The following ZNF331 variants were observed in gnomAD, a reference collection of about 807,000 sequenced individuals.
The protein encoded by ZNF331 is zinc finger protein 331.
A neutral mutation model predicts 7.0 loss-of-function variants in ZNF331; 2 were observed. The observed-to-expected ratio is 0.29, with a 90% CI of 0.12 to 0.90. ZNF331 has a LOEUF of 0.90. ZNF331 is among the 40% of genes least tolerant of loss of function. The pLI is 0.58. For synonymous variants in ZNF331, 196 were observed against 205.4 expected (o/e 0.95, Z 0.39); for missense variants, 432 against 587.7 (o/e 0.74, Z 2.74).
intron 2 of ZNF331, among the ~76,000 whole-genome samples, chr19:53,546,943 G>A (rs1229851939): frequency 6.6e-6 from 1 of 152,064 alleles, no homozygotes; most frequent in Non-Finnish European, 1.5e-5. Context: ...TGGATCTAGG[G>A]CAGAGGTTGG....
chr19:53,574,793 T>C (rs1445035349), intron 5 of ZNF331, among the ~76,000 whole-genome samples: 1 of 152,226 alleles, frequency 6.6e-6, no homozygotes, highest in Non-Finnish European at 1.5e-5. Context: ...TCACTGCCCC[T>C]TCATTTATCA....
At chr19:53,546,223 C>G (rs1198968161) in intron 2 of ZNF331, among the ~76,000 whole-genome samples, 2 of 149,472 alleles carry the variant, frequency 1.3e-5, no homozygotes, top group Non-Finnish European at 3.0e-5. Flanking sequence ...ATGTCAATTG[C>G]TTTTGCACTG....
At chr19:53,538,070 C>T (rs889752330), upstream of ZNF331, 9 of 152,398 alleles carry the variant, frequency 5.9e-5, no homozygotes, top group Admixed American at 4.6e-4. Context: ...CTGCTGCTGT[C>T]TGCGCGCTGC....
rs2090569806 is a variant in ZNF331 at position 53,573,659 on chromosome 19, G to C, written c.136+1929G>C. 6.6e-6 allele frequency among the ~76,000 whole-genome samples: 1 copy of C among 151,876 alleles called. No homozygotes were observed. The highest frequency in any genetic ancestry group is 6.6e-5 in the Admixed American group (1 of 15,242). On this transcript the variant is annotated intron_variant, in intron 5 of 5. Coordinates refer to ENST00000449416, the MANE Select transcript of ZNF331 (RefSeq NM_001079906.2). The surrounding 1 kb of genome is among the most constrained non-coding windows in gnomAD (Gnocchi z 4.2). ...ATTGTTGTGTTTTTTCTTAGAGATGGGATTTCGCCATGTTGTCCAAGCTGA... is the reference window on the plus strand; with the variant it reads ...ATTGTTGTGTTTTTTCTTAGAGATGCGATTTCGCCATGTTGTCCAAGCTGA...
the ZNF331 span, among the ~76,000 whole-genome samples, chr19:53,509,268 T>G: frequency 6.6e-6 from 1 of 152,182 alleles, no homozygotes; most frequent in African/African-American, 2.4e-5. Context: ...TTCTTCCACG[T>G]AGAGATGAAT....
intron 2 of ZNF331, among the ~76,000 whole-genome samples, chr19:53,530,088 C>G (rs1335197384): frequency 2.6e-5 from 4 of 152,126 alleles, no homozygotes; most frequent in African/African-American, 9.7e-5. Flanking sequence ...GCTTTTACTC[C>G]ACTTTACTTG....
intron 3 of ZNF331, among the ~76,000 whole-genome samples, chr19:53,556,551 A>C (rs574543720): frequency 6.7e-6 from 1 of 148,758 alleles, no homozygotes; most frequent in African/African-American, 2.5e-5. Context: ...TCTTGATCTC[A>C]TGAGCTCAAG....
intron 2 of ZNF331, among the ~76,000 whole-genome samples, chr19:53,550,529 CTTTTTTTTTTTT>C (rs60619357): frequency 3.1e-5 from 2 of 64,550 alleles, no homozygotes; most frequent in East Asian, 6.0e-4. Context: ...TCTATTTTGT[CTTTTTTTTTTTT>C]TTTTTTTTTT....
chr19:53,564,031 CAAAAAAAAAAAAA>C (rs57538972), intron 3 of ZNF331, among the ~76,000 whole-genome samples: 2 of 75,602 alleles, frequency 2.6e-5, no homozygotes, highest in Non-Finnish European at 4.5e-5. Flanking sequence ...GACTTCATCT[CAAAAAAAAAAAAA>C]AAAAAAAAAA....
chr19:53,554,243 G>A (rs2089206786), intron 2 of ZNF331, among the ~76,000 whole-genome samples: 1 of 152,206 alleles, frequency 6.6e-6, no homozygotes, highest in Non-Finnish European at 1.5e-5. Flanking sequence ...TGGGAAGGGC[G>A]CGCACGCGTG....
At chr19:53,515,818 C>G (rs1433958496), upstream of ZNF331, among the ~76,000 whole-genome samples, 2 of 152,122 alleles carry the variant, frequency 1.3e-5, no homozygotes, top group African/African-American at 2.4e-5. Flanking sequence ...TTTCGAAGCT[C>G]CTTTTAAACC....
chr19:53,571,545 C>T lies in ZNF331; in HGVS notation c.10-59C>T. Reference sequence around the variant, plus strand: ...CTACCCAGAGGGTGGCCTCCTGTCTCCTTCATCTGGAAGCTGTTTCCTTTC... The same window carrying T: ...CTACCCAGAGGGTGGCCTCCTGTCTTCTTCATCTGGAAGCTGTTTCCTTTC... On this transcript the variant is annotated intron_variant, in intron 4 of 5. Transcript: ENST00000449416. This position sits in a 1 kb window ranked among gnomAD's most constrained non-coding sequence, Gnocchi z 4.7. 2 of 1,596,848 alleles carry T rather than the reference C, an allele frequency of 1.3e-6. No homozygotes were observed. Among genetic ancestry groups the T allele is most frequent in the Non-Finnish European group, 1.7e-6 (2 of 1,171,558 alleles).
At chr19:53,550,693 C>T (rs949250176) in intron 2 of ZNF331, among the ~76,000 whole-genome samples, 6 of 151,414 alleles carry the variant, frequency 4.0e-5, no homozygotes, top group Admixed American at 2.0e-4. Flanking sequence ...CCTGCCACCA[C>T]GCCAGGCTAA....
chr19:53,577,103 T>C lies in ZNF331; in HGVS notation c.543T>C (p.His181=). 2 of 1,614,182 alleles carry C rather than the reference T, an allele frequency of 1.2e-6. No individual in the cohort carries two copies. The highest frequency in any genetic ancestry group is 1.7e-5 in the Admixed American group (1 of 60,024). The change falls in exon 6 of 6, where the codon CAT becomes CAC. Residue 181 remains histidine, a synonymous_variant. Transcript: ENST00000449416. ...AGCTTACTCAACATCAAAAAATTCA[T>C]ACTGGGGAGAAGCCCTACGAATGTA... is the stretch of plus-strand genomic sequence containing the variant. ...GNQLTQHQKI[H]TGEKPYECKD...
chr19:53,557,835 A>T (rs894063524), intron 3 of ZNF331, among the ~76,000 whole-genome samples: 1 of 152,122 alleles, frequency 6.6e-6, no homozygotes. Flanking sequence ...GTGGTGGCGC[A>T]TGCCTGTAAT....
chr19:53,508,130 T>C, the ZNF331 span, among the ~76,000 whole-genome samples: 29,323 of 152,078 alleles, frequency 0.19, 2,936 homozygotes, highest in African/African-American at 0.26. Context: ...CTGAAGCACC[T>C]GACCAAAATC....
intron 5 of ZNF331, among the ~76,000 whole-genome samples, chr19:53,575,540 G>A (rs948203958): frequency 9.4e-6 from 1 of 106,936 alleles, no homozygotes; most frequent in African/African-American, 3.6e-5. Context: ...GTCTTATTCA[G>A]TCGGCTCACT....
chr19:53,542,905 G>A (rs183059658), intron 2 of ZNF331, among the ~76,000 whole-genome samples: 79 of 152,252 alleles, frequency 5.2e-4, no homozygotes, highest in African/African-American at 1.6e-3. Flanking sequence ...TGCCTCCCGG[G>A]TTCAAGCGAT....
At chr19:53,570,858 C>CTTT (rs201661416) in intron 4 of ZNF331, among the ~76,000 whole-genome samples, 1 of 131,136 alleles carries the variant, frequency 7.6e-6, no homozygotes, top group African/African-American at 2.9e-5. Flanking sequence ...CTTTTCTTTT[C>CTTT]TTTTCTTTTT....
Sources: allele counts gnomAD v4.1 joint callset (sites outside exome capture counted in the v4.1 genomes callset), GRCh38; gene constraint gnomAD v4.1.1; non-coding constraint Gnocchi (gnomAD v3.1); transcripts MANE v1.5; gene names NCBI Gene and HGNC (gene_info 2026-07-23, HGNC 2026-07-21).